DYNC1I1: variants seen among roughly 807,000 people sequenced by gnomAD.
DYNC1I1 encodes cytoplasmic dynein 1 intermediate chain 1.
Under a neutral mutation model 86.6 loss-of-function variants are expected in DYNC1I1, and 43 were observed. The observed-to-expected ratio is 0.50, with a 90% CI of 0.39 to 0.64. The LOEUF (loss-of-function observed/expected upper bound fraction) is 0.64. Among genes scored for constraint, DYNC1I1 ranks in the 30% least tolerant of loss-of-function variants. The pLI, the probability that DYNC1I1 is intolerant of heterozygous loss-of-function variation, is 0.00. For missense variants in DYNC1I1, 604 were observed against 788.8 expected (o/e 0.77, Z 2.81); for synonymous variants, 262 against 283.7 (o/e 0.92, Z 0.77).
At chr7:96,073,414 A>G (rs529299869) in intron 14 of DYNC1I1, among the ~76,000 whole-genome samples, 2 of 152,348 alleles carry the variant, frequency 1.3e-5, no homozygotes, top group South Asian at 4.1e-4. Context: ...TACATTTCTC[A>G]GAGAAGAAAC....
In DYNC1I1 at chr7:95,976,741, C is replaced by T. The variant is rs570459183; in HGVS notation, c.491-771C>T. On this transcript the variant is annotated intron_variant, in intron 6 of 16. Transcript: ENST00000447467. ...TTTGGATTTTCTTGTGACACCTTGA[C>T]ACTCCCTTAAACCTTCTACACTGTG... 4.0e-4 allele frequency among the ~76,000 whole-genome samples: 61 copies of T among 152,200 alleles called. 1 individual carries two copies. The South Asian group carries it at 0.011, about 28-fold the overall frequency.
At chr7:95,774,016 G>C (rs1436244639) in intron 1 of DYNC1I1, among the ~76,000 whole-genome samples, 1 of 152,094 alleles carries the variant, frequency 6.6e-6, no homozygotes, top group Non-Finnish European at 1.5e-5. Flanking sequence ...GTGGAAAAAG[G>C]GGTCCTAACT....
Position 95,972,571 on chromosome 7 carries a change from CA to C in DYNC1I1, c.491-4940del, listed in dbSNP as rs150226019. ...TGCTGCAAAGGGAATATGCCCCAGA[CA>C]GAAAGGGGTTTTGCATTATACTGTA... On this transcript the variant is annotated intron_variant, in intron 6 of 16. Coordinates refer to ENST00000447467, the MANE Select transcript of DYNC1I1 (RefSeq NM_001135556.2). Among the ~76,000 whole-genome samples, 1,060 of 152,206 alleles carry C rather than the reference CA, an allele frequency of 7.0e-3. 15 individuals are homozygous for C. The highest frequency in any genetic ancestry group is 0.024 in the African/African-American group (995 of 41,536).
chr7:96,101,920 T>C (rs1414739241), downstream of DYNC1I1, among the ~76,000 whole-genome samples: 2 of 152,060 alleles, frequency 1.3e-5, no homozygotes, highest in Middle Eastern at 3.4e-3. Context: ...CTAAAAGATA[T>C]AGAGTGGTGT....
chr7:95,990,925 G>T (rs1273640903), intron 9 of DYNC1I1, among the ~76,000 whole-genome samples: 1 of 152,076 alleles, frequency 6.6e-6, no homozygotes, highest in East Asian at 1.9e-4. Flanking sequence ...AGCTATGTGG[G>T]AGGCTGAGGT....
intron 16 of DYNC1I1, among the ~76,000 whole-genome samples, chr7:96,092,728 G>A (rs540842000): frequency 3.9e-4 from 59 of 152,308 alleles, no homozygotes; most frequent in African/African-American, 1.4e-3. Context: ...TAGTGGGGTA[G>A]CCTGGGTGGT....
intron 4 of DYNC1I1, among the ~76,000 whole-genome samples, chr7:95,827,147 T>G (rs1322270774): frequency 2.0e-5 from 3 of 152,186 alleles, no homozygotes; most frequent in Non-Finnish European, 4.4e-5. Context: ...GAGAACTTAT[T>G]AAACAGCACG....
intron 6 of DYNC1I1, among the ~76,000 whole-genome samples, chr7:95,939,369 A>G (rs980442882): frequency 3.3e-5 from 5 of 152,050 alleles, no homozygotes; most frequent in African/African-American, 1.2e-4. Context: ...TTTCTGTCTC[A>G]TTGATCTGTC....
At chr7:95,865,425 T>C (rs1304655039) in intron 5 of DYNC1I1, among the ~76,000 whole-genome samples, 1 of 152,162 alleles carries the variant, frequency 6.6e-6, no homozygotes, top group Non-Finnish European at 1.5e-5. Context: ...TTCCCTTTTT[T>C]CCTCTCTACC....
intron 10 of DYNC1I1, among the ~76,000 whole-genome samples, chr7:96,024,551 G>A (rs1035457363): frequency 5.3e-5 from 8 of 152,016 alleles, no homozygotes; most frequent in Admixed American, 3.9e-4. Flanking sequence ...GAAACTTTTT[G>A]TTTCCAGTTA....
At chr7:95,834,694 T>A in intron 5 of DYNC1I1, among the ~76,000 whole-genome samples, 1 of 123,938 alleles carries the variant, frequency 8.1e-6, no homozygotes, top group East Asian at 2.8e-4. Context: ...CCTGGTTTAG[T>A]CTTGGGAGAG....
At chr7:95,852,408 C>T (rs952778673) in intron 5 of DYNC1I1, among the ~76,000 whole-genome samples, 2 of 151,680 alleles carry the variant, frequency 1.3e-5, no homozygotes, top group South Asian at 4.2e-4. Flanking sequence ...CTTAGTTAGC[C>T]CAGCTAAAAG....
chr7:96,023,922 G>A (rs1257807991), intron 10 of DYNC1I1, among the ~76,000 whole-genome samples: 3 of 152,176 alleles, frequency 2.0e-5, no homozygotes, highest in East Asian at 1.9e-4. Flanking sequence ...TTGCTTGTCC[G>A]AACTTGGGAG....
At chr7:96,034,117 G>A (rs909219915) in intron 12 of DYNC1I1, among the ~76,000 whole-genome samples, 34 of 152,064 alleles carry the variant, frequency 2.2e-4, no homozygotes, top group African/African-American at 7.5e-4. Context: ...CACAAAATAC[G>A]GATGTAAAGA....
chr7:95,914,531 T>C (rs565720900), intron 6 of DYNC1I1, among the ~76,000 whole-genome samples: 8 of 152,248 alleles, frequency 5.3e-5, no homozygotes, highest in Non-Finnish European at 8.8e-5. Context: ...TATGAAATAA[T>C]GTTCCTTTTT....
chr7:96,104,235 T>C (rs1388349522), intron 16 of DYNC1I1, among the ~76,000 whole-genome samples: 3 of 152,180 alleles, frequency 2.0e-5, no homozygotes, highest in African/African-American at 7.2e-5. Flanking sequence ...TTAAAAATTA[T>C]TAATTTAGAG....
At chr7:95,906,017 C>T (rs1254927633) in intron 6 of DYNC1I1, among the ~76,000 whole-genome samples, 2 of 152,094 alleles carry the variant, frequency 1.3e-5, no homozygotes, top group African/African-American at 4.8e-5. Context: ...CGGTAAGGAC[C>T]CAGTGAGGAT....
At chr7:95,811,188 A>G (rs1193687685) in intron 3 of DYNC1I1, among the ~76,000 whole-genome samples, 1 of 152,034 alleles carries the variant, frequency 6.6e-6, no homozygotes, top group African/African-American at 2.4e-5. Flanking sequence ...ACTTGTGCAT[A>G]TTTTGTTTAT....
At chr7:96,074,678 A>G (rs1054155225) in intron 14 of DYNC1I1, among the ~76,000 whole-genome samples, 6 of 152,112 alleles carry the variant, frequency 3.9e-5, no homozygotes, top group African/African-American at 1.4e-4. Context: ...TATTTAGGTT[A>G]CAGTTTTATT....
Sources: allele counts gnomAD v4.1 joint callset (sites outside exome capture counted in the v4.1 genomes callset), GRCh38; gene constraint gnomAD v4.1.1; transcripts MANE v1.5; gene names NCBI Gene and HGNC (gene_info 2026-07-23, HGNC 2026-07-21).